The following KCTD8 variants were observed in gnomAD, a reference collection of about 807,000 sequenced individuals.
KCTD8 encodes the protein BTB/POZ domain-containing protein KCTD8.
Under a neutral mutation model 31.5 loss-of-function variants are expected in KCTD8, and 27 were observed. The ratio of observed to expected loss-of-function variants is 0.86; its 90% CI spans 0.63 to 1.18. The LOEUF (loss-of-function observed/expected upper bound fraction) is 1.18. Among genes scored for constraint, KCTD8 ranks in the 50% most tolerant of loss-of-function variants. KCTD8 has a pLI of 0.00. For missense variants in KCTD8, 658 were observed against 647.7 expected (o/e 1.02, Z -0.17); for synonymous variants, 290 against 280.0 (o/e 1.04, Z -0.36).
intron 1 of KCTD8, among the ~76,000 whole-genome samples, chr4:44,263,765 G>GA (rs1217984641): frequency 6.6e-6 from 1 of 152,092 alleles, no homozygotes; most frequent in Non-Finnish European, 1.5e-5. Context: ...ACTGAGATAG[G>GA]AAGTAGAAAC....
chr4:44,448,496 C>T lies in KCTD8; in HGVS notation c.28G>A (p.Gly10Ser), dbSNP rs575851369. The T allele has an allele frequency of 2.0e-6, 3 of 1,495,398 alleles. No individual in the cohort carries two copies. Among genetic ancestry groups the T allele is most frequent in the South Asian group, 2.8e-5 (2 of 72,042 alleles). 92.6% of individuals were successfully genotyped at this position (1,495,398 alleles called of 1,614,324 possible). A position where few individuals can be genotyped will look rare whatever the true frequency, so the allele number is the denominator to read the frequency against. MALKDTGSGGSTILPISEMV... is the reference protein window; with the variant it reads MALKDTGSGSSTILPISEMV... ...TCGCTAATGGGCAGGATGGTGCTGC[C>T]GCCGCTGCCCGTGTCCTTCAGAGCC... The change falls in exon 1 of 2, where the codon GGC becomes AGC. Residue 10 changes from glycine to serine, a missense_variant. By Grantham distance (56) the Gly-to-Ser change is moderately conservative. Coordinates refer to ENST00000360029, the MANE Select transcript of KCTD8 (RefSeq NM_198353.3). The surrounding 1 kb of genome is among the most constrained non-coding windows in gnomAD (Gnocchi z 4.1).
intron 1 of KCTD8, among the ~76,000 whole-genome samples, chr4:44,202,196 TGCATATTAGGTCA>T (rs1714170551): frequency 6.6e-6 from 1 of 152,164 alleles, no homozygotes; most frequent in African/African-American, 2.4e-5. Context: ...TTGGCAGTAA[TGCATATTAGGTCA>T]GCCACTGTAG....
At chr4:44,415,875 G>A (rs2109467128) in intron 1 of KCTD8, among the ~76,000 whole-genome samples, 1 of 152,326 alleles carries the variant, frequency 6.6e-6, no homozygotes, top group South Asian at 2.1e-4. Context: ...AAATGTGGGT[G>A]GACCCACAGA....
intron 1 of KCTD8, among the ~76,000 whole-genome samples, chr4:44,406,333 C>T (rs1362353539): frequency 6.6e-6 from 1 of 151,994 alleles, no homozygotes; most frequent in Admixed American, 6.6e-5. Context: ...GCTCTGTGTC[C>T]CCACCCAAAT....
intron 1 of KCTD8, among the ~76,000 whole-genome samples, chr4:44,260,517 C>G (rs536472216): frequency 5.9e-5 from 9 of 151,964 alleles, no homozygotes; most frequent in South Asian, 2.1e-4. Flanking sequence ...AGAGATATCA[C>G]TTAAGATAGG....
chr4:44,197,847 A>G (rs1447956827), intron 1 of KCTD8, among the ~76,000 whole-genome samples: 1 of 152,214 alleles, frequency 6.6e-6, no homozygotes, highest in Non-Finnish European at 1.5e-5. Context: ...CAGAATTCAG[A>G]ATCTGGATGT....
In KCTD8 at chr4:44,286,329, C is replaced by T. The variant is rs183111440; in HGVS notation, c.962-111079G>A. On this transcript the variant is annotated intron_variant, in intron 1 of 1. Coordinates refer to ENST00000360029, the MANE Select transcript of KCTD8 (RefSeq NM_198353.3). ...ACATTCCTAATGTTCCCTTCTAAATCGACCCCAAATTTAATGTCTCTCATT... is the reference window on the plus strand; with the variant it reads ...ACATTCCTAATGTTCCCTTCTAAATTGACCCCAAATTTAATGTCTCTCATT... Among the ~76,000 whole-genome samples, 389 of 152,168 alleles carry T rather than the reference C, an allele frequency of 2.6e-3. 1 individual carries two copies. Among genetic ancestry groups the T allele is most frequent in the African/African-American group, 8.5e-3 (354 of 41,522 alleles).
chr4:44,430,073 T>C (rs1337780307), intron 1 of KCTD8, among the ~76,000 whole-genome samples: 2 of 151,768 alleles, frequency 1.3e-5, no homozygotes, highest in Non-Finnish European at 2.9e-5. Context: ...AAGAATGTAC[T>C]GTTAAAATTA....
chr4:44,429,176 A>G (rs1721413542), intron 1 of KCTD8, among the ~76,000 whole-genome samples: 1 of 151,552 alleles, frequency 6.6e-6, no homozygotes, highest in South Asian at 2.1e-4. Context: ...AAAATCAAGG[A>G]CCCTAAAAGC....
chr4:44,330,397 T>C (rs570908303), intron 1 of KCTD8, among the ~76,000 whole-genome samples: 5 of 151,960 alleles, frequency 3.3e-5, no homozygotes, highest in Non-Finnish European at 7.4e-5. Context: ...TCTTAGTTTA[T>C]GACTTTTTTA....
At chr4:44,431,163 T>C (rs910533779) in intron 1 of KCTD8, among the ~76,000 whole-genome samples, 1 of 151,704 alleles carries the variant, frequency 6.6e-6, no homozygotes, top group African/African-American at 2.4e-5. Context: ...TTTGTTTTAG[T>C]TTCTTTTAAA....
chr4:44,298,248 C>G (rs915940556), intron 1 of KCTD8, among the ~76,000 whole-genome samples: 2 of 152,010 alleles, frequency 1.3e-5, no homozygotes, highest in Non-Finnish European at 2.9e-5. Context: ...AGGCTCAGAC[C>G]CCTTCCTTTC....
At chr4:44,284,668 A>G (rs975314123) in intron 1 of KCTD8, among the ~76,000 whole-genome samples, 1 of 152,214 alleles carries the variant, frequency 6.6e-6, no homozygotes, top group Non-Finnish European at 1.5e-5. Flanking sequence ...AGAAACTATC[A>G]TCAGAGTGAA....
chr4:44,348,874 G>A (rs1415747748), intron 1 of KCTD8, among the ~76,000 whole-genome samples: 1 of 117,532 alleles, frequency 8.5e-6, no homozygotes, highest in Non-Finnish European at 2.1e-5. Context: ...ACTCTCCCCT[G>A]TCAGTTGGCA....
chr4:44,273,499 T>C (rs906773298), intron 1 of KCTD8, among the ~76,000 whole-genome samples: 1 of 151,878 alleles, frequency 6.6e-6, no homozygotes, highest in Non-Finnish European at 1.5e-5. Flanking sequence ...AGAAGTCTTA[T>C]AAAAGGTTGA....
intron 1 of KCTD8, among the ~76,000 whole-genome samples, chr4:44,182,174 G>A (rs535715182): frequency 1.3e-5 from 2 of 150,762 alleles, no homozygotes; most frequent in South Asian, 2.1e-4. Context: ...GAGGTGGGGG[G>A]GCGCCTCCGC....
chr4:44,325,576 G>A (rs1056138893), intron 1 of KCTD8, among the ~76,000 whole-genome samples: 4 of 151,730 alleles, frequency 2.6e-5, no homozygotes, highest in Admixed American at 6.6e-5. Flanking sequence ...TTCAAATTGC[G>A]TGCCTGTATC....
intron 1 of KCTD8, among the ~76,000 whole-genome samples, chr4:44,367,516 T>C (rs975258834): frequency 1.3e-5 from 2 of 152,196 alleles, no homozygotes; most frequent in African/African-American, 2.4e-5. Context: ...ATGGACCTTA[T>C]AAAGAAGTAC....
intron 1 of KCTD8, among the ~76,000 whole-genome samples, chr4:44,294,993 T>C (rs565457321): frequency 6.6e-6 from 1 of 152,138 alleles, no homozygotes; most frequent in South Asian, 2.1e-4. Context: ...TAAAAGGCTG[T>C]CAAAAACAGA....
Sources: allele counts gnomAD v4.1 joint callset (sites outside exome capture counted in the v4.1 genomes callset), GRCh38; gene constraint gnomAD v4.1.1; non-coding constraint Gnocchi (gnomAD v3.1); transcripts MANE v1.5; gene names NCBI Gene and HGNC (gene_info 2026-07-23, HGNC 2026-07-21).